The following RPS6KA2 variants were observed in gnomAD, a reference collection of about 807,000 sequenced individuals.
RPS6KA2 encodes ribosomal protein S6 kinase A2.
Under a neutral mutation model 91.8 loss-of-function variants are expected in RPS6KA2, and 42 were observed. That is an observed-to-expected ratio of 0.46 (90% confidence interval 0.36 to 0.59). RPS6KA2 has a LOEUF of 0.59. Ranked by LOEUF, RPS6KA2 falls within the 20% of genes least tolerant of loss-of-function variation. RPS6KA2 has a pLI of 0.00. For missense variants in RPS6KA2, 798 were observed against 978.5 expected, an observed-to-expected ratio of 0.82 and a Z score of 2.46; for synonymous variants, 414 against 393.6, an observed-to-expected ratio of 1.05 and a Z score of -0.61.
chr6:166,681,940 C>G (rs1007491547), intron 2 of RPS6KA2, among the ~76,000 whole-genome samples: 2 of 152,180 alleles, frequency 1.3e-5, no homozygotes, highest in Non-Finnish European at 2.9e-5. Flanking sequence ...CACCACCGCA[C>G]TGTTCTCCCG....
chr6:166,528,992 C>T (rs913477595), intron 3 of RPS6KA2, among the ~76,000 whole-genome samples: 1 of 152,170 alleles, frequency 6.6e-6, no homozygotes, highest in African/African-American at 2.4e-5. Flanking sequence ...ACTAGTTTAA[C>T]CATTGTGGAA....
rs1780031061 is a variant in RPS6KA2 at position 166,825,554 on chromosome 6, G to A, written c.123+32646C>T. ...CTGGGTAGCTTAGCTACTTACCCTAGACTGGGTGGCTTTTAAACAACAGAA... is the reference window on the plus strand; with the variant it reads ...CTGGGTAGCTTAGCTACTTACCCTAAACTGGGTGGCTTTTAAACAACAGAA... On this transcript the variant is annotated intron_variant, in intron 2 of 21. Transcript: ENST00000503859. This position sits in a 1 kb window ranked among gnomAD's most constrained non-coding sequence, Gnocchi z 4.1. Among the ~76,000 whole-genome samples the A allele has an allele frequency of 6.7e-6, 1 of 149,694 alleles. No individual in the cohort carries two copies. Among genetic ancestry groups the A allele is most frequent in the South Asian group, 2.1e-4 (1 of 4,830 alleles).
At chr6:166,672,824 T>A (rs1483890544) in intron 2 of RPS6KA2, among the ~76,000 whole-genome samples, 2 of 152,152 alleles carry the variant, frequency 1.3e-5, no homozygotes, top group Non-Finnish European at 2.9e-5. Flanking sequence ...TTCACAGATA[T>A]TGCCTCTCCA....
At position 166,618,967 on chromosome 6, in the gene RPS6KA2, C is replaced by T. The variant is rs189089534; in HGVS notation, c.99+7954G>A. ...GGACTCCGATTGACGCCATCAGATTCGCCCACAAGCCCTGTGCGTATGGGC... is the reference window on the plus strand; with the variant it reads ...GGACTCCGATTGACGCCATCAGATTTGCCCACAAGCCCTGTGCGTATGGGC... On this transcript the variant is annotated intron_variant, in intron 1 of 20. Transcript: ENST00000265678. Among the ~76,000 whole-genome samples the T allele has an allele frequency of 1.3e-3, 195 of 152,306 alleles. 2 individuals are homozygous for T. Among genetic ancestry groups the T allele is most frequent in the African/African-American group, 4.1e-3 (171 of 41,558 alleles).
chr6:166,774,049 T>C (rs555185162), intron 2 of RPS6KA2, among the ~76,000 whole-genome samples: 1 of 152,340 alleles, frequency 6.6e-6, no homozygotes, highest in Admixed American at 6.5e-5. Flanking sequence ...AATCTTTTTT[T>C]TTAAGTCTAG....
chr6:166,711,793 AGAGAG>A (rs1562396051), intron 2 of RPS6KA2, among the ~76,000 whole-genome samples: 5 of 151,552 alleles, frequency 3.3e-5, no homozygotes, highest in Admixed American at 2.6e-4. Context: ...AAAGAGAGAG[AGAGAG>A]AGAGACAGAG....
At chr6:166,760,455 G>A (rs1367203745) in intron 2 of RPS6KA2, among the ~76,000 whole-genome samples, 1 of 152,248 alleles carries the variant, frequency 6.6e-6, no homozygotes, top group South Asian at 2.1e-4. Flanking sequence ...ATGTCAAAGT[G>A]ATAAGATCAT....
At position 166,459,405 on chromosome 6, in the gene RPS6KA2, A is replaced by T; in HGVS notation, c.1075+44T>A. The stretch of plus-strand genomic sequence containing the variant: ...CCTAGATATCTGTCTCTAAGGGGTC[A>T]GGTGGGAGAAGCCACCGATAGAGGG... On this transcript the variant is annotated intron_variant, in intron 12 of 20. Transcript: ENST00000265678. This position sits in a 1 kb window ranked among gnomAD's most constrained non-coding sequence, Gnocchi z 4.9. 1 of 1,215,230 alleles carries T rather than the reference A, an allele frequency of 8.2e-7. No homozygotes were observed. Among genetic ancestry groups the T allele is most frequent in the Non-Finnish European group, 1.2e-6 (1 of 822,720 alleles). The allele number at this position is 1,215,230 out of a possible 1,614,324, so 75.3% of individuals were successfully genotyped here.
Position 166,835,337 on chromosome 6 carries a change from A to G in RPS6KA2, c.123+22863T>C, listed in dbSNP as rs146062451. Reference sequence around the variant, plus strand: ...TTTGCCAAATTCTGTGGAGATTTTGATTGGTGTTGCATTGGATTCTCAAAA... The same window carrying G: ...TTTGCCAAATTCTGTGGAGATTTTGGTTGGTGTTGCATTGGATTCTCAAAA... On this transcript the variant is annotated intron_variant, in intron 2 of 21. Transcript: ENST00000503859. Among the ~76,000 whole-genome samples the G allele has an allele frequency of 7.7e-3, 1,168 of 152,318 alleles. 20 individuals are homozygous for G. Among genetic ancestry groups the G allele is most frequent in the African/African-American group, 0.027 (1,119 of 41,558 alleles).
rs1038739462 is a variant in RPS6KA2, at chr6:166,469,695, C to T, written c.972+146G>A. The T allele has an allele frequency of 8.7e-5, 66 of 755,614 alleles. No homozygotes were observed. The East Asian group carries it at 1.7e-3, about 19-fold the overall frequency. 46.8% of individuals were successfully genotyped at this position (755,614 alleles called of 1,614,324 possible). A position where few individuals can be genotyped will look rare whatever the true frequency, so the allele number is the denominator to read the frequency against. ...AGCCCGCTCAGCAGGGTCCTGGGGG[C>T]TCCCTGCCTGCAGGTGGCTTGTCTA... On this transcript the variant is annotated intron_variant, in intron 11 of 20. Coordinates refer to ENST00000265678, the MANE Select transcript of RPS6KA2 (RefSeq NM_021135.6).
chr6:166,625,043 A>G (rs991217670), intron 1 of RPS6KA2, among the ~76,000 whole-genome samples: 1 of 152,116 alleles, frequency 6.6e-6, no homozygotes, highest in African/African-American at 2.4e-5. Flanking sequence ...CATGTTGGCC[A>G]GAATGGTCTC....
rs1258136798 is a variant in RPS6KA2 at position 166,423,003 on chromosome 6, T to C, written c.1743+253A>G. Among the ~76,000 whole-genome samples the C allele has an allele frequency of 1.3e-5, 2 of 152,190 alleles. No homozygotes were observed. The highest frequency in any genetic ancestry group is 4.8e-5 in the African/African-American group (2 of 41,436). On this transcript the variant is annotated intron_variant, in intron 17 of 20. Coordinates refer to ENST00000265678, the MANE Select transcript of RPS6KA2 (RefSeq NM_021135.6). The surrounding 1 kb of genome is among the most constrained non-coding windows in gnomAD (Gnocchi z 4.8). ...CATCCAAATTGTCTACAGAAGACAA[T>C]TTTACATAAAAATGTTACTGTTGAA...
At chr6:166,796,471 C>T (rs1562444512) in intron 2 of RPS6KA2, among the ~76,000 whole-genome samples, 2 of 151,794 alleles carry the variant, frequency 1.3e-5, no homozygotes, top group South Asian at 2.1e-4. Context: ...CACCTGTAAT[C>T]CCAGCTATTT....
chr6:166,762,078 CACCACAGAGGT>C (rs760986690), intron 2 of RPS6KA2, among the ~76,000 whole-genome samples: 11 of 152,172 alleles, frequency 7.2e-5, no homozygotes, highest in Non-Finnish European at 1.0e-4. Flanking sequence ...GCCCTGGTGT[CACCACAGAGGT>C]ACATGGTCTG....
intron 8 of RPS6KA2, among the ~76,000 whole-genome samples, chr6:166,491,945 G>T (rs1226805802): frequency 6.6e-6 from 1 of 152,058 alleles, no homozygotes; most frequent in Non-Finnish European, 1.5e-5. Flanking sequence ...AACAAACATG[G>T]ATATGACAAA....
chr6:166,805,126 C>T (rs559416947), intron 2 of RPS6KA2, among the ~76,000 whole-genome samples: 2 of 152,296 alleles, frequency 1.3e-5, no homozygotes, highest in East Asian at 3.9e-4. Context: ...CAGGGGATGT[C>T]TCGAATGATA....
intron 3 of RPS6KA2, among the ~76,000 whole-genome samples, chr6:166,524,902 G>A (rs1782972863): frequency 6.6e-6 from 1 of 152,202 alleles, no homozygotes; most frequent in Non-Finnish European, 1.5e-5. Context: ...CTGTATCAGG[G>A]ATTCTCCATG....
intron 6 of RPS6KA2, among the ~76,000 whole-genome samples, chr6:166,502,388 C>T (rs1218894021): frequency 6.6e-6 from 1 of 152,238 alleles, no homozygotes; most frequent in Admixed American, 6.5e-5. Flanking sequence ...CAGAATTAAG[C>T]ACCTTTCAAG....
intron 8 of RPS6KA2, among the ~76,000 whole-genome samples, chr6:166,492,192 G>A (rs939997687): frequency 2.0e-5 from 3 of 152,182 alleles, no homozygotes; most frequent in African/African-American, 4.8e-5. Context: ...CAGTTCTGAC[G>A]TTTGAAGCCT....
Sources: gnomAD v4.1 joint callset for allele counts (sites outside exome capture counted in the v4.1 genomes callset) on GRCh38, gnomAD v4.1.1 for gene constraint, Gnocchi (gnomAD v3.1) non-coding constraint, MANE v1.5 for transcripts, NCBI Gene and HGNC (gene_info 2026-07-23, HGNC 2026-07-21) for gene names.